The following JMJD1C variants were observed in gnomAD, a reference collection of about 807,000 sequenced individuals.
JMJD1C encodes jumonji domain containing 1C, also known as jumonji domain-containing protein 1C.
In JMJD1C, 31 loss-of-function variants were observed where a neutral mutation model predicts 245.3. That is an observed-to-expected ratio of 0.13 (90% CI 0.09 to 0.17). The LOEUF (loss-of-function observed/expected upper bound fraction) is 0.17, where lower values mean the gene tolerates loss of function less well. Ranked by LOEUF, JMJD1C falls within the 10% of genes least tolerant of loss-of-function variation. The pLI, the probability that JMJD1C is intolerant of heterozygous loss-of-function variation, is 1.00. For synonymous variants in JMJD1C, 1,057 were observed against 1,017.4 expected (o/e 1.04, Z -0.74); for missense variants, 2,691 against 3,000.2 (o/e 0.90, Z 2.41).
chr10:63,379,528 T>C (rs1947042584), intron 2 of JMJD1C, among the ~76,000 whole-genome samples: 1 of 152,206 alleles, frequency 6.6e-6, no homozygotes, highest in African/African-American at 2.4e-5. Flanking sequence ...TGATAAGTAA[T>C]TTAATCCATT....
At chr10:63,424,105 T>G (rs369703874) in intron 1 of JMJD1C, among the ~76,000 whole-genome samples, 10 of 152,308 alleles carry the variant, frequency 6.6e-5, no homozygotes, top group African/African-American at 2.4e-4. Flanking sequence ...GACAAGATCT[T>G]ACTGTCAGCA....
rs373596292 is a variant in JMJD1C at position 63,420,797 on chromosome 10, AACAG to A, written c.169-40319_169-40316del. Among the ~76,000 whole-genome samples, 64 of 152,078 alleles carry A rather than the reference AACAG, an allele frequency of 4.2e-4. 2 individuals carry two copies. The South Asian group carries it at 0.011, about 26-fold the overall frequency. ...GACAAAATTAGAAAGAGAACTGCAA[AACAG>A]ACAAACTCTAAGAAAGTAAAAGGAA... is the stretch of plus-strand genomic sequence containing the variant. On this transcript the variant is annotated intron_variant, in intron 1 of 25. Transcript: ENST00000399262.
intron 3 of JMJD1C, among the ~76,000 whole-genome samples, chr10:63,261,825 T>A (rs1854798478): frequency 6.6e-6 from 1 of 152,174 alleles, no homozygotes; most frequent in African/African-American, 2.4e-5. Flanking sequence ...AATAAAATGC[T>A]GAGAAATCAA....
intron 1 of JMJD1C, among the ~76,000 whole-genome samples, chr10:63,401,409 T>C (rs1045921257): frequency 6.6e-6 from 1 of 152,146 alleles, no homozygotes; most frequent in African/African-American, 2.4e-5. Context: ...TTTTAGATAC[T>C]GTACTTTTTG....
chr10:63,366,144 A>G (rs550119886), intron 2 of JMJD1C, among the ~76,000 whole-genome samples: 25 of 152,312 alleles, frequency 1.6e-4, no homozygotes, highest in Admixed American at 2.0e-4. Context: ...AGGAATAACT[A>G]AAGGTAATAG....
At chr10:63,485,267 A>G (rs1417798010) in intron 1 of JMJD1C, among the ~76,000 whole-genome samples, 1 of 152,136 alleles carries the variant, frequency 6.6e-6, no homozygotes, top group Non-Finnish European at 1.5e-5. Context: ...TAAAACACAG[A>G]TGAGAGTATC....
chr10:63,440,340 GAAAA>G (rs199670163), intron 1 of JMJD1C, among the ~76,000 whole-genome samples: 1,764 of 89,716 alleles, frequency 0.02, 26 homozygotes, highest in African/African-American at 0.045. Flanking sequence ...TGTCTCAAAA[GAAAA>G]AAAAAAAAAA....
intron 1 of JMJD1C, among the ~76,000 whole-genome samples, chr10:63,477,566 AAAAAC>A (rs529275314): frequency 6.6e-6 from 1 of 151,992 alleles, no homozygotes; most frequent in Admixed American, 6.5e-5. Flanking sequence ...AAAAAAAAAA[AAAAAC>A]AACGAACCTT....
At chr10:63,385,594 T>C (rs1368274566) in intron 1 of JMJD1C, among the ~76,000 whole-genome samples, 1 of 151,722 alleles carries the variant, frequency 6.6e-6, no homozygotes, top group African/African-American at 2.4e-5. Flanking sequence ...CATGTTACCA[T>C]GACCCGGCTA....
At chr10:63,421,167 T>C (rs993102854) in intron 1 of JMJD1C, among the ~76,000 whole-genome samples, 2 of 152,034 alleles carry the variant, frequency 1.3e-5, no homozygotes, top group Non-Finnish European at 2.9e-5. Context: ...AAACCCCATC[T>C]CTACTAAAAA....
At chr10:63,351,275 G>C (rs1281244634) in intron 2 of JMJD1C, among the ~76,000 whole-genome samples, 2 of 151,022 alleles carry the variant, frequency 1.3e-5, no homozygotes, top group African/African-American at 4.9e-5. Context: ...ATTTATATTT[G>C]GTATTATTCA....
At chr10:63,314,964 T>TG (rs970836383) in intron 2 of JMJD1C, among the ~76,000 whole-genome samples, 42 of 149,578 alleles carry the variant, frequency 2.8e-4, no homozygotes, top group Non-Finnish European at 4.8e-4. Context: ...TTGTTTTTTT[T>TG]TTTTTTTTGA....
intron 25 of JMJD1C, 131 bp downstream of exon 25, chr10:63,168,304 T>C (rs1382650118): frequency 1.2e-5 from 12 of 1,009,280 alleles, no homozygotes; most frequent in Non-Finnish European, 1.6e-5. Flanking sequence ...ATTAAATACA[T>C]GTTGGTGTTA....
intron 2 of JMJD1C, among the ~76,000 whole-genome samples, chr10:63,354,163 C>T (rs911809823): frequency 2.4e-4 from 36 of 152,202 alleles, no homozygotes; most frequent in African/African-American, 8.7e-4. Flanking sequence ...GTATAGTAAT[C>T]CAGCATTTAA....
intron 1 of JMJD1C, among the ~76,000 whole-genome samples, chr10:63,519,058 T>C (rs1157375574): frequency 6.6e-6 from 1 of 152,248 alleles, no homozygotes; most frequent in Non-Finnish European, 1.5e-5. Flanking sequence ...AATGACTCAA[T>C]GACACGTGTA....
At chr10:63,420,651 G>C (rs1950068022) in intron 1 of JMJD1C, among the ~76,000 whole-genome samples, 3 of 147,696 alleles carry the variant, frequency 2.0e-5, no homozygotes, top group South Asian at 4.3e-4. Context: ...CTTGAGCCCG[G>C]GAATCTGAGG....
At chr10:63,226,714 CAAAAAAAA>C (rs35375607) in intron 3 of JMJD1C, among the ~76,000 whole-genome samples, 19 of 84,908 alleles carry the variant, frequency 2.2e-4, no homozygotes, top group South Asian at 5.2e-4. Context: ...AACCCTGTTT[CAAAAAAAA>C]AAAAAAAAAA....
intron 2 of JMJD1C, among the ~76,000 whole-genome samples, chr10:63,275,120 T>C (rs1447121829): frequency 1.3e-5 from 2 of 152,206 alleles, no homozygotes; most frequent in Non-Finnish European, 2.9e-5. Context: ...GATAAAAAAA[T>C]GGACACTCGA....
At chr10:63,326,675 T>A (rs1187700166) in intron 2 of JMJD1C, among the ~76,000 whole-genome samples, 1 of 148,310 alleles carries the variant, frequency 6.7e-6, no homozygotes, top group Non-Finnish European at 1.5e-5. Context: ...AGGTCAGGAG[T>A]TCGAGACCAG....
Sources: gnomAD v4.1 joint callset for allele counts (sites outside exome capture counted in the v4.1 genomes callset) on GRCh38, gnomAD v4.1.1 for gene constraint, MANE v1.5 for transcripts, NCBI Gene and HGNC (gene_info 2026-07-23, HGNC 2026-07-21) for gene names.